Variants in HTR2C observed in about 807,000 individuals in gnomAD.
The protein encoded by HTR2C is 5-hydroxytryptamine (serotonin) receptor 2C, G protein-coupled.
HTR2C carries 5 observed loss-of-function variants against 21.0 expected under a neutral mutation model. That is an observed-to-expected ratio of 0.24 (90% CI 0.12 to 0.50). The LOEUF is 0.50. HTR2C is among the 20% of genes least tolerant of loss of function. HTR2C has a pLI of 0.98. For synonymous variants in HTR2C, 150 were observed against 145.3 expected, an observed-to-expected ratio of 1.03 and a Z score of -0.23; for missense variants, 271 against 371.2, an observed-to-expected ratio of 0.73 and a Z score of 2.22.
chrX:114,675,868 C>CTTTTTTTTTTTTTTTTTTTTTTTTTTT (rs1556412476), intron 2 of HTR2C, among the ~76,000 whole-genome samples: 1 of 94,318 alleles, frequency 1.1e-5, no homozygotes, highest in Admixed American at 1.2e-4. Context: ...TTTCTTTTTT[C>CTTTTTTTTTTTTTTTTTTTTTTTTTTT]TTTTTTCTTT....
intron 5 of HTR2C, among the ~76,000 whole-genome samples, chrX:114,862,807 T>C (rs782787784): frequency 1.4e-4 from 15 of 110,938 alleles, no homozygotes; most frequent in African/African-American, 4.6e-4. Context: ...ATACAATAGG[T>C]TATTGTTAAC....
intron 2 of HTR2C, among the ~76,000 whole-genome samples, chrX:114,661,532 G>A (rs782280140): frequency 5.4e-5 from 6 of 110,483 alleles, no homozygotes; most frequent in Admixed American, 9.7e-5. Flanking sequence ...AATGACACCT[G>A]GCTAATTTTC....
chrX:114,748,282 G>T (rs1238937180), intron 4 of HTR2C, among the ~76,000 whole-genome samples: 1 of 111,860 alleles, frequency 8.9e-6, no homozygotes, highest in Non-Finnish European at 1.9e-5. Context: ...TAAATGGAGA[G>T]ATATATCCTG....
intron 4 of HTR2C, among the ~76,000 whole-genome samples, chrX:114,741,575 T>A (rs1440937472): frequency 2.2e-5 from 1 of 44,961 alleles, no homozygotes; most frequent in African/African-American, 7.2e-5. Context: ...CCTTTTCAGC[T>A]GAAAAGTAAG....
At chrX:114,738,765 C>A (rs2069615361) in intron 4 of HTR2C, among the ~76,000 whole-genome samples, 1 of 110,015 alleles carries the variant, frequency 9.1e-6, no homozygotes, top group Non-Finnish European at 1.9e-5. Flanking sequence ...TGTAACAAAC[C>A]TGCACATTCT....
intron 2 of HTR2C, among the ~76,000 whole-genome samples, chrX:114,654,562 A>C (rs1387330205): frequency 9.1e-6 from 1 of 109,299 alleles, no homozygotes; most frequent in East Asian, 2.8e-4. Flanking sequence ...TTTTACTGGC[A>C]CTGAAACTTT....
intron 5 of HTR2C, among the ~76,000 whole-genome samples, chrX:114,901,354 G>A (rs1338370227): frequency 1.8e-5 from 2 of 111,891 alleles, no homozygotes; most frequent in African/African-American, 3.2e-5. Context: ...ATGAGATAAT[G>A]CATGTAAAGT....
intron 4 of HTR2C, among the ~76,000 whole-genome samples, chrX:114,764,879 C>A (rs1007163472): frequency 2.1e-5 from 1 of 46,688 alleles, no homozygotes; most frequent in African/African-American, 7.1e-5. Flanking sequence ...TTCTTTCTTT[C>A]TTTCTTTCTT....
intron 5 of HTR2C, among the ~76,000 whole-genome samples, chrX:114,858,203 T>C (rs2070978597): frequency 9.0e-6 from 1 of 111,035 alleles, no homozygotes; most frequent in South Asian, 3.7e-4. Flanking sequence ...CATTTTCATA[T>C]AAAACTAAAA....
chrX:114,656,888 A>G (rs1355760930), intron 2 of HTR2C, among the ~76,000 whole-genome samples: 2 of 110,784 alleles, frequency 1.8e-5, no homozygotes, highest in African/African-American at 3.3e-5. Flanking sequence ...CTAGAAAAGG[A>G]CATATGTGAA....
intron 2 of HTR2C, among the ~76,000 whole-genome samples, chrX:114,661,176 C>T (rs1556410077): frequency 3.6e-5 from 4 of 111,088 alleles, no homozygotes; most frequent in Non-Finnish European, 3.8e-5. Flanking sequence ...AAAAGTTGGC[C>T]GGGCGCGGTG....
intron 1 of HTR2C, among the ~76,000 whole-genome samples, chrX:114,605,135 T>C (rs1365289946): frequency 8.9e-6 from 1 of 111,781 alleles, no homozygotes; most frequent in Non-Finnish European, 1.9e-5. Flanking sequence ...GCCTAAACGC[T>C]ATCTGATTTG....
intron 4 of HTR2C, among the ~76,000 whole-genome samples, chrX:114,795,436 G>A (rs1251109991): frequency 9.0e-6 from 1 of 110,829 alleles, no homozygotes; most frequent in African/African-American, 3.3e-5. Context: ...TGAAGTCCTT[G>A]CCCATGCCTA....
chrX:114,690,266 C>G (rs1255446905), intron 2 of HTR2C, among the ~76,000 whole-genome samples: 2 of 111,532 alleles, frequency 1.8e-5, no homozygotes, highest in Non-Finnish European at 3.8e-5. Flanking sequence ...GCCATTTCCT[C>G]CTCTCCAAGT....
chrX:114,883,271 T>C (rs940721246), intron 5 of HTR2C, among the ~76,000 whole-genome samples: 1 of 110,833 alleles, frequency 9.0e-6, no homozygotes, highest in Non-Finnish European at 1.9e-5. Context: ...TATCTACCTA[T>C]CTATCCATCC....
intron 2 of HTR2C, among the ~76,000 whole-genome samples, chrX:114,698,459 A>AAC (rs1206382220): frequency 1.1e-4 from 1 of 9,087 alleles, no homozygotes; most frequent in African/African-American, 2.3e-4. Flanking sequence ...CACACACACA[A>AAC]ACACACACAC....
At chrX:114,868,208 T>C (rs980487634) in intron 5 of HTR2C, among the ~76,000 whole-genome samples, 2 of 111,177 alleles carry the variant, frequency 1.8e-5, no homozygotes, top group Non-Finnish European at 3.8e-5. Context: ...GTTTTCATTA[T>C]AGAGATTTTT....
At position 114,774,948 on chromosome X, in the gene HTR2C, A is replaced by G. The variant is rs1556438255; in HGVS notation, c.349+43341A>G. 3 of 524,817 alleles carry G rather than the reference A, an allele frequency of 5.7e-6. No homozygotes were observed. The African/African-American group carries it at 6.9e-5, about 12-fold the overall frequency. 43.3% of individuals were successfully genotyped at this position (524,817 alleles called of 1,213,427 possible). On this transcript the variant is annotated intron_variant, in intron 4 of 5. Coordinates refer to ENST00000276198, the MANE Select transcript of HTR2C (RefSeq NM_000868.4). ...CTCCTGCACTCTGGTACCGCTTGCT[A>G]ATGATGAGATTGCAGACTTTCTCCA...
In HTR2C at chrX:114,703,710, C is replaced by A. The variant is rs781848260; in HGVS notation, c.-79-23148C>A. ...GCAGAAGGCAAGAAATAACTTAAAT[C>A]AGAGCAGAACTGAAGGAAATAGAGA... On this transcript the variant is annotated intron_variant, in intron 2 of 5. Coordinates refer to ENST00000276198, the MANE Select transcript of HTR2C (RefSeq NM_000868.4). 2.7e-5 allele frequency among the ~76,000 whole-genome samples: 3 copies of A among 110,717 alleles called. No individual in the cohort carries two copies. In the East Asian group the frequency reaches 8.6e-4, roughly 32 times the overall value.
Sources: allele counts gnomAD v4.1 joint callset (sites outside exome capture counted in the v4.1 genomes callset), GRCh38; gene constraint gnomAD v4.1.1; transcripts MANE v1.5; gene names NCBI Gene and HGNC (gene_info 2026-07-23, HGNC 2026-07-21).